PCLO: variants seen among roughly 807,000 people sequenced by gnomAD.
The protein encoded by PCLO is piccolo presynaptic cytomatrix protein.
A neutral mutation model predicts 427.5 loss-of-function variants in PCLO; 82 were observed. That is an observed-to-expected ratio of 0.19 (90% CI 0.16 to 0.23). The LOEUF (loss-of-function observed/expected upper bound fraction) is 0.23, where lower values mean the gene tolerates loss of function less well. Ranked by LOEUF, PCLO falls within the 10% of genes least tolerant of loss-of-function variation. PCLO has a pLI of 1.00. For missense variants in PCLO, 6,239 were observed against 6,115.9 expected (o/e 1.02, Z -0.67); for synonymous variants, 2,357 against 2,155.4 (o/e 1.09, Z -2.59).
At chr7:82,834,787 G>C (rs946452855) in intron 16 of PCLO, among the ~76,000 whole-genome samples, 1 of 151,930 alleles carries the variant, frequency 6.6e-6, no homozygotes, top group African/African-American at 2.4e-5. Context: ...TCCTACTATT[G>C]GGAACAAAGG....
intron 3 of PCLO, among the ~76,000 whole-genome samples, chr7:83,090,245 A>G (rs1191828412): frequency 6.6e-6 from 1 of 152,134 alleles, no homozygotes; most frequent in Non-Finnish European, 1.5e-5. Flanking sequence ...GAGGTTGCCT[A>G]TGTAACTACC....
Position 83,134,242 on chromosome 7 carries a change from T to TATATAC in PCLO, c.3300+7_3300+8insGTATAT, listed in dbSNP as rs746054139. ...TAATATATATATATATATATATATATAACTTACCTCAGTCAAATGTGGTGT... is the reference window on the plus strand; with the variant it reads ...TAATATATATATATATATATATATATATATACAACTTACCTCAGTCAAATGTGGTGT... On this transcript the variant is annotated splice_region_variant and intron_variant, in intron 3 of 24. Transcript: ENST00000333891. The TATATAC allele has an allele frequency of 8.4e-6, 9 of 1,069,118 alleles. No individual in the cohort carries two copies. The East Asian group carries it at 2.2e-4, about 26-fold the overall frequency. The allele number at this position is 1,069,118 out of a possible 1,614,324, so 66.2% of individuals were successfully genotyped here. A position where few individuals can be genotyped will look rare whatever the true frequency, so the allele number is the denominator to read the frequency against.
chr7:82,930,975 T>C (rs1794826998), intron 6 of PCLO, among the ~76,000 whole-genome samples: 1 of 152,014 alleles, frequency 6.6e-6, no homozygotes, highest in Non-Finnish European at 1.5e-5. Context: ...ACAGACTGCA[T>C]AGGATGGGAA....
At chr7:83,142,939 C>G (rs1562988369) in intron 2 of PCLO, among the ~76,000 whole-genome samples, 1 of 151,802 alleles carries the variant, frequency 6.6e-6, no homozygotes, top group African/African-American at 2.4e-5. Flanking sequence ...GCCTGGGAGA[C>G]ATAGCAAGAC....
chr7:82,973,475 A>C (rs1490377253), intron 3 of PCLO, among the ~76,000 whole-genome samples: 3 of 152,180 alleles, frequency 2.0e-5, no homozygotes, highest in African/African-American at 7.2e-5. Context: ...GTCAACATAA[A>C]ATACTAATTT....
intron 3 of PCLO, among the ~76,000 whole-genome samples, chr7:83,087,127 C>T (rs925272554): frequency 1.3e-5 from 2 of 150,662 alleles, no homozygotes; most frequent in Non-Finnish European, 3.0e-5. Context: ...ATGTAAATGA[C>T]GAGTTAATAG....
rs774676220 is a variant in PCLO, at chr7:82,956,870, G to T, written c.4083C>A (p.Ser1361Arg). 6.2e-7 allele frequency: 1 copy of T among 1,613,556 alleles called. No homozygotes were observed. The highest frequency in any genetic ancestry group is 8.5e-7 in the Non-Finnish European group (1 of 1,179,764). Residue 1361 changes from serine to arginine, a missense_variant, in exon 5 of 25, where the codon AGC becomes AGA. Physicochemically the swap from Ser to Arg is moderately radical, Grantham distance 110. Around this residue, in one of 5 missense-constraint regions of PCLO, gnomAD observed 4,677 missense variants for 4,468.4 expected, o/e 1.05. Transcript: ENST00000333891. ...SQQPKSPQGL[S>R]DTGYSSDGIS... ...TTCCATCGGAAGAATATCCCGTGTCGCTCAGACCTTGGGGGCTTTTAGGCT... is the reference window on the plus strand; with the variant it reads ...TTCCATCGGAAGAATATCCCGTGTCTCTCAGACCTTGGGGGCTTTTAGGCT...
chr7:82,869,789 T>C (rs1453447657), intron 10 of PCLO, among the ~76,000 whole-genome samples: 1 of 152,000 alleles, frequency 6.6e-6, no homozygotes, highest in Non-Finnish European at 1.5e-5. Context: ...AAAGCAATCC[T>C]ATTTAAAACA....
intron 6 of PCLO, among the ~76,000 whole-genome samples, chr7:82,938,259 G>A (rs1215963947): frequency 6.6e-6 from 1 of 151,716 alleles, no homozygotes; most frequent in Non-Finnish European, 1.5e-5. Context: ...TAACTACAAG[G>A]GTATAATATT....
At chr7:83,006,768 C>T (rs139948362) in intron 3 of PCLO, among the ~76,000 whole-genome samples, 36 of 151,412 alleles carry the variant, frequency 2.4e-4, no homozygotes, top group African/African-American at 7.5e-4. Context: ...ATTTATTAAA[C>T]GCATTACTTG....
chr7:82,985,098 T>A (rs1008214922), intron 3 of PCLO, among the ~76,000 whole-genome samples: 1 of 151,946 alleles, frequency 6.6e-6, no homozygotes, highest in Non-Finnish European at 1.5e-5. Context: ...AAACTAGAAA[T>A]AGATCCTCAG....
rs143405758 is a variant in PCLO, at chr7:83,078,519, C to CATTATTATTATT, written c.3300+55719_3300+55730dup. Among the ~76,000 whole-genome samples the CATTATTATTATT allele has an allele frequency of 1.1e-3, 161 of 150,354 alleles. 1 individual carries two copies. Among genetic ancestry groups the CATTATTATTATT allele is most frequent in the Admixed American group, 2.6e-3 (39 of 15,046 alleles). ...CAAACTATACTCAATATGTTGCTAGCATTATTATTATTACTATTATTATTA... is the reference window on the plus strand; with the variant it reads ...CAAACTATACTCAATATGTTGCTAGCATTATTATTATTATTATTATTATTACTATTATTATTA... On this transcript the variant is annotated intron_variant, in intron 3 of 24. Transcript: ENST00000333891.
intron 3 of PCLO, among the ~76,000 whole-genome samples, chr7:83,103,951 T>C (rs1203449697): frequency 1.3e-5 from 2 of 151,978 alleles, no homozygotes; most frequent in Admixed American, 1.3e-4. Flanking sequence ...TAAGCAATGA[T>C]TGAGTCCCAA....
intron 3 of PCLO, among the ~76,000 whole-genome samples, chr7:83,068,059 T>TAACAATATAAAACAATATTTAAC (rs1789711920): frequency 2.0e-5 from 3 of 148,758 alleles, no homozygotes; most frequent in African/African-American, 7.5e-5. Flanking sequence ...CAATATTGGG[T>TAACAATATAAAACAATATTTAAC]AATATATAAA....
chr7:82,964,704 G>T (rs1237752444), intron 4 of PCLO, among the ~76,000 whole-genome samples: 2 of 152,148 alleles, frequency 1.3e-5, no homozygotes, highest in African/African-American at 4.8e-5. Flanking sequence ...GCTGGAAGAA[G>T]CAATTGGTGG....
At chr7:82,874,357 G>T (rs892789776) in intron 10 of PCLO, among the ~76,000 whole-genome samples, 3 of 151,996 alleles carry the variant, frequency 2.0e-5, no homozygotes, top group African/African-American at 7.2e-5. Flanking sequence ...TCTGCCTCCT[G>T]GGCTCAAGTG....
Position 82,951,121 on chromosome 7 carries a change from A to G in PCLO, c.9467T>C (p.Val3156Ala), listed in dbSNP as rs778117884. 6 of 1,613,438 alleles carry G rather than the reference A, an allele frequency of 3.7e-6. No homozygotes were observed. In the Admixed American group the frequency reaches 6.7e-5, roughly 18 times the overall value. Residue 3156 changes from valine to alanine, a missense_variant, in exon 6 of 25, where the codon GTA becomes GCA. Val to Ala is a moderately conservative substitution (Grantham distance 64). Transcript: ENST00000333891. The stretch of plus-strand genomic sequence containing the variant: ...ACTGGCACTGATATCAATACCAGTT[A>G]CTGCAATGTCCGTTTCAGATGCACC... ...TTGASETDIA[V>A]TGIDISASLQ...
intron 3 of PCLO, among the ~76,000 whole-genome samples, chr7:83,068,600 A>G (rs1481701368): frequency 6.6e-6 from 1 of 152,198 alleles, no homozygotes; most frequent in Non-Finnish European, 1.5e-5. Context: ...CATACCTGTT[A>G]GAATAGCTGT....
At chr7:82,980,276 A>G (rs1244469944) in intron 3 of PCLO, among the ~76,000 whole-genome samples, 1 of 152,154 alleles carries the variant, frequency 6.6e-6, no homozygotes, top group East Asian at 1.9e-4. Context: ...AACATGTGGA[A>G]TGCTTTATTT....
Sources: allele counts gnomAD v4.1 joint callset (sites outside exome capture counted in the v4.1 genomes callset), GRCh38; gene constraint gnomAD v4.1.1; regional missense constraint gnomAD v4.1.1; transcripts MANE v1.5; gene names NCBI Gene and HGNC (gene_info 2026-07-23, HGNC 2026-07-21).